RIPOR2: variants seen among roughly 807,000 people sequenced by gnomAD.
The protein encoded by RIPOR2 is rho family-interacting cell polarization regulator 2.
In RIPOR2, 39 loss-of-function variants were observed where a neutral mutation model predicts 114.5. That is an observed-to-expected ratio of 0.34 (90% CI 0.26 to 0.44). The LOEUF is 0.44. Ranked by LOEUF, RIPOR2 falls within the 20% of genes least tolerant of loss-of-function variation. The probability of loss-of-function intolerance (pLI) is 1.00; values close to 1 mark genes in which losing one functional copy is unlikely to be tolerated. For missense variants in RIPOR2, 1,007 were observed against 1,255.1 expected, an observed-to-expected ratio of 0.80 and a Z score of 2.99; for synonymous variants, 445 against 484.4, an observed-to-expected ratio of 0.92 and a Z score of 1.07.
chr6:24,963,163 C>T (rs774255271), intron 1 of RIPOR2, among the ~76,000 whole-genome samples: 3 of 152,084 alleles, frequency 2.0e-5, no homozygotes, highest in Non-Finnish European at 2.9e-5. Context: ...TCTGGAGTAG[C>T]TGGGGTTTCA....
At chr6:24,932,772 G>T (rs376940626) in intron 1 of RIPOR2, among the ~76,000 whole-genome samples, 9 of 152,314 alleles carry the variant, frequency 5.9e-5, no homozygotes, top group African/African-American at 2.2e-4. Context: ...AAATATAGTT[G>T]CCCTAATAAC....
chr6:24,965,830 T>C (rs984552401), intron 1 of RIPOR2, among the ~76,000 whole-genome samples: 2 of 152,242 alleles, frequency 1.3e-5, no homozygotes, highest in Non-Finnish European at 2.9e-5. Context: ...TCAAGAGCCA[T>C]TGTATAGGCC....
chr6:24,840,899 A>G, intron 13 of RIPOR2: 1 of 864,522 alleles, frequency 1.2e-6, no homozygotes, highest in Non-Finnish European at 1.8e-6. Flanking sequence ...CAGCAGTCTC[A>G]GGGGGAGACA....
chr6:24,883,165 C>T lies in RIPOR2; in HGVS notation c.62-7348G>A, dbSNP rs1766509117. ...CCTTCTATCGAATTAAGAATACAAACAGGCAATTCTGAGAGAGCCTTACTG... is the reference window on the plus strand; with the variant it reads ...CCTTCTATCGAATTAAGAATACAAATAGGCAATTCTGAGAGAGCCTTACTG... On this transcript the variant is annotated intron_variant, in intron 1 of 21. Coordinates refer to ENST00000643898, the MANE Select transcript of RIPOR2 (RefSeq NM_001286445.3). This position sits in a 1 kb window ranked among gnomAD's most constrained non-coding sequence, Gnocchi z 4.1. 1.3e-5 allele frequency among the ~76,000 whole-genome samples: 2 copies of T among 152,186 alleles called. No individual in the cohort carries two copies. Among genetic ancestry groups the T allele is most frequent in the Non-Finnish European group, 2.9e-5 (2 of 68,022 alleles).
intron 1 of RIPOR2, among the ~76,000 whole-genome samples, chr6:25,027,358 C>G (rs1776677714): frequency 6.6e-6 from 1 of 152,098 alleles, no homozygotes; most frequent in African/African-American, 2.4e-5. Context: ...GGGAGGCGCT[C>G]GAGGGTGAAG....
At chr6:24,807,702 C>T (rs780089813) in intron 21 of RIPOR2, among the ~76,000 whole-genome samples, 16 of 152,056 alleles carry the variant, frequency 1.1e-4, no homozygotes, top group South Asian at 2.1e-4. Flanking sequence ...CTGGACAGTG[C>T]GCATATAGAA....
chr6:24,944,820 A>C (rs1772327039), intron 1 of RIPOR2, among the ~76,000 whole-genome samples: 1 of 152,176 alleles, frequency 6.6e-6, no homozygotes, highest in South Asian at 2.1e-4. Context: ...GCCATATACA[A>C]TGGATCTTCA....
chr6:24,822,106 C>T (rs574371667), intron 19 of RIPOR2, among the ~76,000 whole-genome samples: 1 of 152,272 alleles, frequency 6.6e-6, no homozygotes, highest in East Asian at 1.9e-4. Context: ...CCATTAAAAT[C>T]CAAAACAAAC....
At chr6:24,908,526 T>C (rs944361204) in intron 1 of RIPOR2, among the ~76,000 whole-genome samples, 1 of 152,154 alleles carries the variant, frequency 6.6e-6, no homozygotes, top group Non-Finnish European at 1.5e-5. Context: ...AGAAGTGTCT[T>C]GGTTATACTT....
At chr6:24,876,893 C>A in intron 1 of RIPOR2, 2 of 846,880 alleles carry the variant, frequency 2.4e-6, no homozygotes, top group African/African-American at 1.8e-5. Context: ...CAAAGGATGA[C>A]CCTGCAACTG....
intron 1 of RIPOR2, among the ~76,000 whole-genome samples, chr6:24,956,212 T>C (rs527446984): frequency 6.6e-6 from 1 of 152,306 alleles, no homozygotes; most frequent in African/African-American, 2.4e-5. Flanking sequence ...ATTAAATAAG[T>C]ATTTTTACAC....
intron 1 of RIPOR2, chr6:24,910,772 ACGCAAAAT>A (rs1237941940): frequency 1.0e-6 from 1 of 981,418 alleles, no homozygotes; most frequent in Non-Finnish European, 1.2e-6. Context: ...ACCGCGTTGT[ACGCAAAAT>A]CAGAAGCAAA....
At chr6:24,936,063 C>T (rs1468369745), upstream of RIPOR2, 3 of 587,316 alleles carry the variant, frequency 5.1e-6, no homozygotes, top group South Asian at 2.0e-5. Flanking sequence ...GAATAGGCTT[C>T]TTGAGCCTTG....
At chr6:24,926,306 G>T (rs779499550) in intron 1 of RIPOR2, among the ~76,000 whole-genome samples, 1 of 152,142 alleles carries the variant, frequency 6.6e-6, no homozygotes, top group Non-Finnish European at 1.5e-5. Context: ...TTAAAGATAC[G>T]GTTAAAGATA....
At chr6:24,823,641 A>G (rs1759891549) in intron 19 of RIPOR2, among the ~76,000 whole-genome samples, 1 of 152,272 alleles carries the variant, frequency 6.6e-6, no homozygotes, top group Non-Finnish European at 1.5e-5. Flanking sequence ...GGGAATAAAC[A>G]TGAGAGCTGA....
At chr6:24,913,081 C>T (rs1443037218) in intron 1 of RIPOR2, among the ~76,000 whole-genome samples, 1 of 152,180 alleles carries the variant, frequency 6.6e-6, no homozygotes, top group Non-Finnish European at 1.5e-5. Flanking sequence ...TCCACTCCCA[C>T]CCCCAACTTA....
intron 1 of RIPOR2, among the ~76,000 whole-genome samples, chr6:24,894,130 C>T (rs1196183973): frequency 6.6e-6 from 1 of 152,186 alleles, no homozygotes; most frequent in African/African-American, 2.4e-5. Context: ...CTGGTGGCTA[C>T]ACAGCTGTTT....
At chr6:25,000,135 C>G (rs1021764215) in intron 1 of RIPOR2, among the ~76,000 whole-genome samples, 3 of 152,220 alleles carry the variant, frequency 2.0e-5, no homozygotes, top group Admixed American at 6.5e-5. Flanking sequence ...CACACATTGG[C>G]ACTCTTGCCT....
intron 1 of RIPOR2, among the ~76,000 whole-genome samples, chr6:24,983,782 G>T (rs1199361649): frequency 1.6e-5 from 1 of 62,184 alleles, no homozygotes; most frequent in African/African-American, 6.3e-5. Context: ...AAAAAAAAAA[G>T]CCTTGAGTAT....
Sources: allele counts gnomAD v4.1 joint callset (sites outside exome capture counted in the v4.1 genomes callset), GRCh38; gene constraint gnomAD v4.1.1; non-coding constraint Gnocchi (gnomAD v3.1); transcripts MANE v1.5; gene names NCBI Gene and HGNC (gene_info 2026-07-23, HGNC 2026-07-21).